The following CBLB variants were observed in gnomAD, a reference collection of about 807,000 sequenced individuals.
The protein encoded by CBLB is Cbl proto-oncogene B.
CBLB carries 31 observed loss-of-function variants against 104.9 expected under a neutral mutation model. The observed-to-expected ratio is 0.30, with a 90% confidence interval of 0.22 to 0.40. The LOEUF (loss-of-function observed/expected upper bound fraction) is 0.40. CBLB is among the 10% of genes least tolerant of loss of function. CBLB has a pLI of 1.00. For missense variants in CBLB, 1,062 were observed against 1,214.6 expected (o/e 0.87, Z 1.87); for synonymous variants, 440 against 422.6 (o/e 1.04, Z -0.51).
intron 3 of CBLB, among the ~76,000 whole-genome samples, chr3:105,792,333 T>A (rs1192076113): frequency 1.3e-5 from 2 of 152,188 alleles, no homozygotes; most frequent in African/African-American, 2.4e-5. Flanking sequence ...CACATATCTA[T>A]CAGTCAGTCC....
In CBLB at chr3:105,656,967, A is replaced by G. The variant is rs1409022949; in HGVS notation, c.*2003T>C. 3 of 220,688 alleles carry G rather than the reference A, an allele frequency of 1.4e-5. No individual in the cohort carries two copies. In the East Asian group the frequency reaches 2.0e-4, roughly 15 times the overall value. The allele number at this position is 220,688 out of a possible 1,614,324, so 13.7% of individuals were successfully genotyped here. A position where few individuals can be genotyped will look rare whatever the true frequency, so the allele number is the denominator to read the frequency against. On this transcript the variant is annotated 3_prime_UTR_variant, in exon 19 of 19. Coordinates refer to ENST00000394030, the MANE Select transcript of CBLB (RefSeq NM_170662.5). ...AAAGAAAATTTGCCAATGCAATTTT[A>G]AAAGTGTAAGAAACTTCACTCATGT... is the stretch of plus-strand genomic sequence containing the variant.
upstream of CBLB, chr3:105,869,166 G>A: frequency 1.7e-6 from 1 of 605,846 alleles, no homozygotes; most frequent in Non-Finnish European, 2.6e-6. Flanking sequence ...TCGCGCTGCC[G>A]CCCCGTCCAC....
intron 3 of CBLB, among the ~76,000 whole-genome samples, chr3:105,822,267 C>T (rs746251711): frequency 6.6e-6 from 1 of 152,124 alleles, no homozygotes; most frequent in Non-Finnish European, 1.5e-5. Flanking sequence ...AAAAGCTGCT[C>T]AAGGAAAGCT....
chr3:105,843,571 A>T (rs879818677), intron 3 of CBLB, among the ~76,000 whole-genome samples: 13 of 152,184 alleles, frequency 8.5e-5, no homozygotes, highest in Non-Finnish European at 1.6e-4. Flanking sequence ...GAGAGATGGC[A>T]CTTTATACAT....
intron 15 of CBLB, 40 bp downstream of exon 15, chr3:105,681,684 T>C: frequency 6.2e-7 from 1 of 1,600,002 alleles, no homozygotes. Flanking sequence ...TTCTGACCAT[T>C]AAGATGTACA....
intron 3 of CBLB, among the ~76,000 whole-genome samples, chr3:105,798,325 AAATATT>A (rs1284904061): frequency 6.6e-6 from 1 of 152,206 alleles, no homozygotes; most frequent in African/African-American, 2.4e-5. Context: ...AAAATAAAAT[AAATATT>A]ATCAGTAGAT....
At chr3:105,777,099 T>G (rs1332956244) in intron 3 of CBLB, among the ~76,000 whole-genome samples, 1 of 152,154 alleles carries the variant, frequency 6.6e-6, no homozygotes, top group Admixed American at 6.5e-5. Context: ...ATTATATCAT[T>G]TTTGGCACAG....
Position 105,776,440 on chromosome 3 carries a change from T to C in CBLB, c.522A>G (p.Thr174=), listed in dbSNP as rs767973404. ...TCCAGAATTCAGCAGCATCTGCTTT[T>C]GTGATACGAAAGTTATCTCCCTGGA... ...GQFQGDNFRI[T]KADAAEFWRK... The change falls in exon 4 of 19, where the codon ACA becomes ACG. Residue 174 remains threonine, a synonymous_variant. Transcript: ENST00000394030. 6.2e-7 allele frequency: 1 copy of C among 1,613,804 alleles called. No homozygotes were observed. Among genetic ancestry groups the C allele is most frequent in the East Asian group, 2.2e-5 (1 of 44,836 alleles).
intron 9 of CBLB, among the ~76,000 whole-genome samples, chr3:105,726,717 T>C (rs1216275424): frequency 6.6e-6 from 1 of 152,068 alleles, no homozygotes; most frequent in Admixed American, 6.6e-5. Context: ...CCCCAGCCGC[T>C]GACAGACCCT....
At chr3:105,869,163 G>T, upstream of CBLB, 1 of 616,174 alleles carries the variant, frequency 1.6e-6, no homozygotes, top group Non-Finnish European at 2.5e-6. Flanking sequence ...TCCTCGCGCT[G>T]CCGCCCCGTC....
At chr3:105,782,578 C>CTTTTTTTTTTTTTTTTT (rs11333516) in intron 3 of CBLB, among the ~76,000 whole-genome samples, 1 of 137,518 alleles carries the variant, frequency 7.3e-6, no homozygotes, top group African/African-American at 2.7e-5. Flanking sequence ...CTTTTCTTTT[C>CTTTTTTTTTTTTTTTTT]TTTTTTTTTT....
intron 9 of CBLB, 122 bp from the exon 10 acceptor site, chr3:105,720,372 G>A (rs1043205909): frequency 9.4e-6 from 8 of 849,478 alleles, no homozygotes; most frequent in East Asian, 5.3e-5. Context: ...GTAGGAGGTG[G>A]GGGAAGATTT....
At chr3:105,815,331 T>C (rs1425122726) in intron 3 of CBLB, among the ~76,000 whole-genome samples, 1 of 152,180 alleles carries the variant, frequency 6.6e-6, no homozygotes, top group East Asian at 1.9e-4. Context: ...AAAGCATCCG[T>C]TCTGTTCAAA....
chr3:105,857,558 A>G lies in CBLB; in HGVS notation c.169-3894T>C, dbSNP rs920711. Among the ~76,000 whole-genome samples the G allele has an allele frequency of 6.7e-3, 1,024 of 152,344 alleles. 29 individuals carry two copies. Among genetic ancestry groups the G allele is most frequent in the East Asian group, 0.054 (279 of 5,182 alleles). On this transcript the variant is annotated intron_variant, in intron 2 of 18. Transcript: ENST00000394030. ...AAGATTAAGGGACCATTAAAATATC[A>G]TTAATCCAATACAAGAGCTTGTATC...
intron 3 of CBLB, among the ~76,000 whole-genome samples, chr3:105,787,301 C>T (rs1296323001): frequency 6.6e-6 from 1 of 152,110 alleles, no homozygotes; most frequent in African/African-American, 2.4e-5. Flanking sequence ...TTTCTAATAA[C>T]AAGGCTAATT....
chr3:105,670,291 A>T lies in CBLB; in HGVS notation c.2631T>A (p.Gly877=). The T allele has an allele frequency of 6.2e-7, 1 of 1,612,086 alleles. No homozygotes were observed. Among genetic ancestry groups the T allele is most frequent in the Non-Finnish European group, 8.5e-7 (1 of 1,178,278 alleles). ...VPLPPARRLP[G]ENVKTNRTSQ... ...ATGTTCTGTTAGTTTTGACATTTTC[A>T]CCTGGTAACCTTCTAGCAGGAGGCA... Residue 877 remains glycine (G), a synonymous_variant, in exon 18 of 19, where the codon GGT becomes GGA. Coordinates refer to ENST00000394030, the MANE Select transcript of CBLB (RefSeq NM_170662.5).
chr3:105,830,295 G>C (rs1180112986), intron 3 of CBLB, among the ~76,000 whole-genome samples: 1 of 152,196 alleles, frequency 6.6e-6, no homozygotes, highest in East Asian at 1.9e-4. Context: ...TTATATGACA[G>C]ACATTTAGAT....
chr3:105,804,607 T>C (rs1315900331), intron 3 of CBLB, among the ~76,000 whole-genome samples: 1 of 152,178 alleles, frequency 6.6e-6, no homozygotes, highest in Non-Finnish European at 1.5e-5. Flanking sequence ...TTAGGTTACA[T>C]AAAATAGATT....
chr3:105,679,730 C>T lies in CBLB; in HGVS notation c.2429-1159G>A, dbSNP rs575012798. 4.6e-5 allele frequency among the ~76,000 whole-genome samples: 7 copies of T among 151,382 alleles called. No individual in the cohort carries two copies. In the South Asian group the frequency reaches 8.3e-4, roughly 18 times the overall value. The stretch of plus-strand genomic sequence containing the variant: ...GGCGGAGGCTGCAGTGAGCCACGAT[C>T]GTGCCATTGCACTCCAGCCTGGTGA... On this transcript the variant is annotated intron_variant, in intron 16 of 18. Transcript: ENST00000394030.
Sources: gnomAD v4.1 joint callset for allele counts (sites outside exome capture counted in the v4.1 genomes callset) on GRCh38, gnomAD v4.1.1 for gene constraint, MANE v1.5 for transcripts, NCBI Gene and HGNC (gene_info 2026-07-23, HGNC 2026-07-21) for gene names.